Variants in CDKL2 observed in about 807,000 individuals in gnomAD.
The protein encoded by CDKL2 is cyclin dependent kinase like 2.
Under a neutral mutation model 63.9 loss-of-function variants are expected in CDKL2, and 64 were observed. The ratio of observed to expected loss-of-function variants is 1.00; its 90% CI spans 0.82 to 1.23. CDKL2 has a LOEUF of 1.23. Ranked by LOEUF, CDKL2 falls within the 50% of genes most tolerant of loss-of-function variation. CDKL2 has a pLI of 0.00. For missense variants in CDKL2, 656 were observed against 668.0 expected, an observed-to-expected ratio of 0.98 and a Z score of 0.20; for synonymous variants, 211 against 229.2, an observed-to-expected ratio of 0.92 and a Z score of 0.72.
At position 75,605,432 on chromosome 4, in the gene CDKL2, A is replaced by G. The variant is rs1729380361; in HGVS notation, c.655+90T>C. On this transcript the variant is annotated intron_variant, in intron 5 of 13. Transcript: ENST00000307465. ...TCACTTAAAACATATATAATCTTTA[A>G]TGCAACAGCTTAAAAAATCACAAAC... is the stretch of plus-strand genomic sequence containing the variant. 8.1e-6 allele frequency: 6 copies of G among 736,858 alleles called. No homozygotes were observed. In the East Asian group the frequency reaches 1.6e-4, roughly 20 times the overall value. The allele number at this position is 736,858 out of a possible 1,614,324, so 45.6% of individuals were successfully genotyped here.
intron 12 of CDKL2, among the ~76,000 whole-genome samples, chr4:75,586,438 G>T (rs1285680148): frequency 6.6e-6 from 1 of 151,910 alleles, no homozygotes; most frequent in Non-Finnish European, 1.5e-5. Flanking sequence ...ATGTTAGCTA[G>T]CCAGTAAGGT....
chr4:75,608,996 GAAAA>G (rs5859470), intron 3 of CDKL2, among the ~76,000 whole-genome samples: 1 of 120,862 alleles, frequency 8.3e-6, no homozygotes, highest in African/African-American at 3.6e-5. Context: ...TCCATCTCAA[GAAAA>G]AAAAAAAAAA....
At chr4:75,600,657 G>A (rs573516673) in intron 6 of CDKL2, among the ~76,000 whole-genome samples, 7 of 151,922 alleles carry the variant, frequency 4.6e-5, no homozygotes, top group Admixed American at 2.6e-4. Flanking sequence ...ACAGCGTTTC[G>A]CCATGTTGCC....
intron 10 of CDKL2, among the ~76,000 whole-genome samples, 200 bp from the exon 11 acceptor site, chr4:75,592,469 C>T (rs1367837920): frequency 6.6e-6 from 1 of 152,158 alleles, no homozygotes; most frequent in Non-Finnish European, 1.5e-5. Flanking sequence ...ATTAAAATTG[C>T]TAACAAGTAG....
rs1728080495 is a variant in CDKL2, at chr4:75,577,630, T to C, written c.*1572A>G. Among the ~76,000 whole-genome samples, 1 of 152,212 alleles carries C rather than the reference T, an allele frequency of 6.6e-6. No individual in the cohort carries two copies. Among genetic ancestry groups the C allele is most frequent in the Non-Finnish European group, 1.5e-5 (1 of 68,022 alleles). ...CCTGTTTGCCATGCTGCAGAATCTA[T>C]TGGCAGTGTTTTTCAAAGTAAAAAT... On this transcript the variant is annotated 3_prime_UTR_variant, in exon 14 of 14. Transcript: ENST00000307465.
intron 5 of CDKL2, 46 bp downstream of exon 5, chr4:75,605,476 A>G: frequency 1.8e-6 from 2 of 1,127,736 alleles, no homozygotes. Flanking sequence ...ACAAACAAAT[A>G]TGCAGAAAAA....
chr4:75,603,032 G>T lies in CDKL2; in HGVS notation c.795+785C>A, dbSNP rs1418592005. ...TTTTGAGACGGAGTCTCGCTCTGTC[G>T]CCCAGGCCGGACTGCGGACTGCAGT... On this transcript the variant is annotated intron_variant, in intron 6 of 13. Coordinates refer to ENST00000307465, the MANE Select transcript of CDKL2 (RefSeq NM_001330724.2). 3.4e-5 allele frequency among the ~76,000 whole-genome samples: 4 copies of T among 116,692 alleles called. No homozygotes were observed. In the Admixed American group the frequency reaches 4.9e-4, roughly 14 times the overall value. The allele number at this position is 116,692 out of a possible 152,430, so 76.6% of individuals were successfully genotyped here. A position where few individuals can be genotyped will look rare whatever the true frequency, so the allele number is the denominator to read the frequency against.
At chr4:75,610,122 G>T (rs370717430) in intron 3 of CDKL2, among the ~76,000 whole-genome samples, 1 of 151,664 alleles carries the variant, frequency 6.6e-6, no homozygotes, top group Admixed American at 6.6e-5. Flanking sequence ...AGAATGGCGT[G>T]AACCTGGGAG....
intron 13 of CDKL2, among the ~76,000 whole-genome samples, chr4:75,579,717 T>C (rs9685133): frequency 0.4 from 60,967 of 151,848 alleles, 12,975 homozygotes; most frequent in African/African-American, 0.51. Context: ...ACATCTCCTT[T>C]TATGCAAATA....
intron 10 of CDKL2, 52 bp downstream of exon 10, chr4:75,596,195 G>A: frequency 1.9e-6 from 2 of 1,044,564 alleles, no homozygotes; most frequent in Non-Finnish European, 3.0e-6. Flanking sequence ...TTTAATAAAA[G>A]TCTAGAGCTG....
In CDKL2 at chr4:75,598,167, A is replaced by T. The variant is rs762226449; in HGVS notation, c.930T>A (p.Asn310Lys). 2.6e-6 allele frequency: 4 copies of T among 1,530,790 alleles called. No individual in the cohort carries two copies. The Admixed American group carries it at 7.2e-5, about 27-fold the overall frequency. The allele number at this position is 1,530,790 out of a possible 1,614,324, so 94.8% of individuals were successfully genotyped here. The change falls in exon 8 of 14, where the codon AAT (asparagine) becomes AAA (lysine). Residue 310 changes from asparagine (N) to lysine (K), a missense_variant. Physicochemically the swap from Asn to Lys is moderately conservative, Grantham distance 94 (BLOSUM62 0). Coordinates refer to ENST00000307465, the MANE Select transcript of CDKL2 (RefSeq NM_001330724.2). ...TTTGGGATTTTTTAGATAAAGAAACATTTCTGGCATCTTTCTGTACTTTTA... is the reference window on the plus strand; with the variant it reads ...TTTGGGATTTTTTAGATAAAGAAACTTTTCTGGCATCTTTCTGTACTTTTA... ...LQLKVQKDAR[N>K]VSLSKKSQNR...
At chr4:75,620,301 G>C (rs1387598801) in intron 2 of CDKL2, among the ~76,000 whole-genome samples, 3 of 152,078 alleles carry the variant, frequency 2.0e-5, no homozygotes, top group Non-Finnish European at 4.4e-5. Flanking sequence ...AGAAATACCA[G>C]AACATATCGG....
chr4:75,615,886 G>A (rs1162000077), intron 2 of CDKL2, among the ~76,000 whole-genome samples: 3 of 152,100 alleles, frequency 2.0e-5, no homozygotes, highest in African/African-American at 7.2e-5. Flanking sequence ...AGCTACTTGG[G>A]AGGTTAATGT....
At chr4:75,609,663 TA>T (rs1729598541) in intron 3 of CDKL2, among the ~76,000 whole-genome samples, 1 of 147,750 alleles carries the variant, frequency 6.8e-6, no homozygotes. Context: ...ATTATATATA[TA>T]ATATATATAT....
chr4:75,616,255 G>A (rs1233568048), intron 2 of CDKL2, among the ~76,000 whole-genome samples: 2 of 152,002 alleles, frequency 1.3e-5, no homozygotes, highest in East Asian at 3.8e-4. Flanking sequence ...AATAAGCTAT[G>A]ATCATGCCAC....
At chr4:75,619,292 C>A (rs1168221368) in intron 2 of CDKL2, among the ~76,000 whole-genome samples, 3 of 152,078 alleles carry the variant, frequency 2.0e-5, no homozygotes, top group South Asian at 4.2e-4. Context: ...ACTTTTAGGG[C>A]TGAAGGAAAA....
chr4:75,625,466 G>A (rs546488494), intron 2 of CDKL2, among the ~76,000 whole-genome samples: 123 of 151,936 alleles, frequency 8.1e-4, no homozygotes, highest in Non-Finnish European at 1.6e-3. Flanking sequence ...CATATTTGAG[G>A]GGAAAAAAGT....
At chr4:75,580,621 C>G (rs1393469751) in intron 13 of CDKL2, among the ~76,000 whole-genome samples, 1 of 144,376 alleles carries the variant, frequency 6.9e-6, no homozygotes, top group African/African-American at 2.5e-5. Flanking sequence ...GAGCCGAGAT[C>G]ACGCCACTGC....
intron 2 of CDKL2, among the ~76,000 whole-genome samples, chr4:75,615,111 G>A (rs1038743873): frequency 6.6e-6 from 1 of 151,828 alleles, no homozygotes; most frequent in African/African-American, 2.4e-5. Flanking sequence ...AGTGTAGAAG[G>A]CAAAACAATT....
Sources: allele counts gnomAD v4.1 joint callset (sites outside exome capture counted in the v4.1 genomes callset), GRCh38; gene constraint gnomAD v4.1.1; transcripts MANE v1.5; gene names NCBI Gene and HGNC (gene_info 2026-07-23, HGNC 2026-07-21).